Variants in NAPG observed in about 807,000 individuals in gnomAD.
NAPG encodes gamma-soluble NSF attachment protein.
Under a neutral mutation model 48.4 loss-of-function variants are expected in NAPG, and 25 were observed. The ratio of observed to expected loss-of-function variants is 0.52; its 90% CI spans 0.38 to 0.72. NAPG has a LOEUF of 0.72. NAPG is among the 30% of genes least tolerant of loss of function. The pLI, the probability that NAPG is intolerant of heterozygous loss-of-function variation, is 0.00. For synonymous variants in NAPG, 139 were observed against 127.2 expected, an observed-to-expected ratio of 1.09 and a Z score of -0.62; for missense variants, 359 against 372.5, an observed-to-expected ratio of 0.96 and a Z score of 0.30.
At chr18:10,531,165 C>G (rs1294564158) in intron 2 of NAPG, among the ~76,000 whole-genome samples, 1 of 152,098 alleles carries the variant, frequency 6.6e-6, no homozygotes, top group African/African-American at 2.4e-5. Flanking sequence ...CCATATTTCT[C>G]TATTATACTT....
chr18:10,536,742 G>A (rs2032040959), intron 5 of NAPG, among the ~76,000 whole-genome samples: 1 of 152,194 alleles, frequency 6.6e-6, no homozygotes, highest in African/African-American at 2.4e-5. Context: ...TATCTACTGG[G>A]TAAAACTCAT....
intron 5 of NAPG, among the ~76,000 whole-genome samples, chr18:10,538,355 A>G (rs2032078834): frequency 6.6e-6 from 1 of 152,190 alleles, no homozygotes. Flanking sequence ...CTGTTGCCAT[A>G]CAGGGATGCA....
Position 10,532,848 on chromosome 18 carries a change from G to A in NAPG, c.209+53G>A. The A allele has an allele frequency of 2.8e-6, 4 of 1,422,114 alleles. No individual in the cohort carries two copies. In the South Asian group the frequency reaches 5.4e-5, roughly 19 times the overall value. The allele number at this position is 1,422,114 out of a possible 1,614,324, so 88.1% of individuals were successfully genotyped here. A position where few individuals can be genotyped will look rare whatever the true frequency, so the allele number is the denominator to read the frequency against. On this transcript the variant is annotated intron_variant, in intron 3 of 11. Coordinates refer to ENST00000322897, the MANE Select transcript of NAPG (RefSeq NM_003826.3). ...TTAAACAATTAGATGATTTTGACAA[G>A]CTGTTTTCTCTTGCTGTAAATTTAC...
intron 1 of NAPG, among the ~76,000 whole-genome samples, chr18:10,527,615 TGAG>T (rs1240411513): frequency 6.6e-6 from 1 of 152,140 alleles, no homozygotes; most frequent in Non-Finnish European, 1.5e-5. Flanking sequence ...TGAGAAAATT[TGAG>T]GAGGAGATGA....
At position 10,543,740 on chromosome 18, in the gene NAPG, T is replaced by C. The variant is rs946443239; in HGVS notation, c.507-2586T>C. On this transcript the variant is annotated intron_variant, in intron 8 of 11. Transcript: ENST00000322897. This position sits in a 1 kb window ranked among gnomAD's most constrained non-coding sequence, Gnocchi z 4.4. Reference sequence around the variant, plus strand: ...TTATTCTTTTTTCAGCAAAACCAAATTCTTGTCATTTTGTTAGGAATATTA... The same window carrying C: ...TTATTCTTTTTTCAGCAAAACCAAACTCTTGTCATTTTGTTAGGAATATTA... 6.6e-6 allele frequency among the ~76,000 whole-genome samples: 1 copy of C among 152,218 alleles called. No individual in the cohort carries two copies. The highest frequency in any genetic ancestry group is 1.5e-5 in the Non-Finnish European group (1 of 68,036).
chr18:10,527,048 C>G (rs1031300309), intron 1 of NAPG, among the ~76,000 whole-genome samples: 1 of 151,858 alleles, frequency 6.6e-6, no homozygotes, highest in Admixed American at 6.5e-5. Flanking sequence ...ATTAGCCGGG[C>G]GTGGTGGCGG....
At chr18:10,529,179 T>C (rs1188045242) in intron 1 of NAPG, among the ~76,000 whole-genome samples, 1 of 152,226 alleles carries the variant, frequency 6.6e-6, no homozygotes, top group Admixed American at 6.5e-5. Flanking sequence ...ACGGAGTGAT[T>C]GTATCTTGTT....
intron 5 of NAPG, among the ~76,000 whole-genome samples, chr18:10,537,209 T>C (rs2032053355): frequency 6.6e-6 from 1 of 152,184 alleles, no homozygotes; most frequent in Non-Finnish European, 1.5e-5. Context: ...TACTTCTGCC[T>C]CAACCTCCCA....
intron 1 of NAPG, 141 bp downstream of exon 1, chr18:10,526,299 G>A (rs981179080): frequency 8.7e-6 from 7 of 808,236 alleles, no homozygotes; most frequent in African/African-American, 1.7e-5. Context: ...GGCTGCCGGG[G>A]CTCGGTGTCC....
rs1001406042 is a variant in NAPG at position 10,534,101 on chromosome 18, C to T, written c.228-365C>T. 6.6e-6 allele frequency among the ~76,000 whole-genome samples: 1 copy of T among 152,112 alleles called. No homozygotes were observed. The highest frequency in any genetic ancestry group is 1.5e-5 in the Non-Finnish European group (1 of 68,010). On this transcript the variant is annotated intron_variant, in intron 4 of 11. Transcript: ENST00000322897. This position sits in a 1 kb window ranked among gnomAD's most constrained non-coding sequence, Gnocchi z 5.0. ...GATGGAGGTTGCAGTGAGCTGAGAT[C>T]GTGCCTCTGCTCTCCAGCCTGGGCG...
At position 10,544,454 on chromosome 18, in the gene NAPG, G is replaced by C. The variant is rs575949373; in HGVS notation, c.507-1872G>C. ...GATTTCCTTGCAGCTGTGTGGAAGA[G>C]ATTCCTGTTTTCTTGTTGCCTGTTC... On this transcript the variant is annotated intron_variant, in intron 8 of 11. Transcript: ENST00000322897. The surrounding 1 kb of genome is among the most constrained non-coding windows in gnomAD (Gnocchi z 5.1). 4.6e-5 allele frequency among the ~76,000 whole-genome samples: 7 copies of C among 152,342 alleles called. 1 individual carries two copies. In the South Asian group the frequency reaches 1.5e-3, roughly 32 times the overall value.
chr18:10,550,000 G>A (rs1015198401), intron 11 of NAPG, 77 bp from the exon 12 acceptor site: 7 of 1,417,786 alleles, frequency 4.9e-6, no homozygotes, highest in Admixed American at 3.0e-5. Flanking sequence ...GAGCCAGGCT[G>A]TGTCTTTTTA....
At chr18:10,531,648 G>C (rs911981680) in intron 2 of NAPG, among the ~76,000 whole-genome samples, 1 of 152,134 alleles carries the variant, frequency 6.6e-6, no homozygotes, top group Non-Finnish European at 1.5e-5. Context: ...CATGCAAATT[G>C]TTTATCTTAT....
In NAPG at chr18:10,542,336, A is replaced by C. The variant is rs1009334035; in HGVS notation, c.506+1937A>C. On this transcript the variant is annotated intron_variant, in intron 8 of 11. Transcript: ENST00000322897. This position sits in a 1 kb window ranked among gnomAD's most constrained non-coding sequence, Gnocchi z 4.5. The stretch of plus-strand genomic sequence containing the variant: ...TTTGAAGTGTATTAACAATATAAAA[A>C]TTAATTTAAATTTGTGCAGGAACAT... Among the ~76,000 whole-genome samples, 3 of 152,198 alleles carry C rather than the reference A, an allele frequency of 2.0e-5. No individual in the cohort carries two copies. Among genetic ancestry groups the C allele is most frequent in the Non-Finnish European group, 4.4e-5 (3 of 68,042 alleles).
At chr18:10,528,144 C>G (rs2031858313) in intron 1 of NAPG, among the ~76,000 whole-genome samples, 1 of 152,064 alleles carries the variant, frequency 6.6e-6, no homozygotes, top group East Asian at 1.9e-4. Flanking sequence ...GGAGATCGCG[C>G]CACTGCATTC....
chr18:10,529,176 G>C (rs1001857009), intron 1 of NAPG, among the ~76,000 whole-genome samples: 1 of 152,126 alleles, frequency 6.6e-6, no homozygotes, highest in Non-Finnish European at 1.5e-5. Flanking sequence ...GTGACGGAGT[G>C]ATTGTATCTT....
chr18:10,542,627 A>G lies in NAPG; in HGVS notation c.506+2228A>G, dbSNP rs2032179036. On this transcript the variant is annotated intron_variant, in intron 8 of 11. Coordinates refer to ENST00000322897, the MANE Select transcript of NAPG (RefSeq NM_003826.3). The surrounding 1 kb of genome is among the most constrained non-coding windows in gnomAD (Gnocchi z 4.5). ...ATGCTTCACACAAGCAACATCTACT[A>G]ATAGACTGTGTGGCATGGAGTCTAA... Among the ~76,000 whole-genome samples, 1 of 152,246 alleles carries G rather than the reference A, an allele frequency of 6.6e-6. No homozygotes were observed. The highest frequency in any genetic ancestry group is 2.4e-5 in the African/African-American group (1 of 41,458).
chr18:10,540,100 G>C (rs2032120227), intron 7 of NAPG, 46 bp downstream of exon 7: 1 of 1,431,494 alleles, frequency 7.0e-7, no homozygotes, highest in Admixed American at 2.2e-5. Context: ...AGAATGTTTA[G>C]ATTAATAATA....
intron 2 of NAPG, among the ~76,000 whole-genome samples, chr18:10,532,220 A>T (rs972093803): frequency 4.4e-5 from 6 of 136,484 alleles, no homozygotes; most frequent in African/African-American, 7.3e-5. Context: ...TTGTTTTTTT[A>T]AAAAAATGCA....
Sources: allele counts gnomAD v4.1 joint callset (sites outside exome capture counted in the v4.1 genomes callset), GRCh38; gene constraint gnomAD v4.1.1; non-coding constraint Gnocchi (gnomAD v3.1); transcripts MANE v1.5; gene names NCBI Gene and HGNC (gene_info 2026-07-23, HGNC 2026-07-21).